Variants in HSD17B11 observed in about 807,000 individuals in gnomAD.
The protein encoded by HSD17B11 is estradiol 17-beta-dehydrogenase 11.
In HSD17B11, 22 loss-of-function variants were observed where a neutral mutation model predicts 27.8. The observed-to-expected ratio is 0.79, with a 90% CI of 0.56 to 1.13. The LOEUF is 1.13. Ranked by LOEUF, HSD17B11 falls within the 50% of genes most tolerant of loss-of-function variation. The pLI, the probability that HSD17B11 is intolerant of heterozygous loss-of-function variation, is 0.00. For synonymous variants in HSD17B11, 117 were observed against 132.8 expected (o/e 0.88, Z 0.82); for missense variants, 314 against 351.1 (o/e 0.89, Z 0.84).
chr4:87,374,897 CTAT>C (rs971010308), intron 2 of HSD17B11, 67 bp from the exon 3 acceptor site: 17 of 1,197,792 alleles, frequency 1.4e-5, no homozygotes, highest in Non-Finnish European at 1.6e-5. Flanking sequence ...TACACAATGG[CTAT>C]TTTTTTTTTT....
intron 5 of HSD17B11, among the ~76,000 whole-genome samples, chr4:87,353,232 G>A (rs1384030224): frequency 6.6e-6 from 1 of 151,838 alleles, no homozygotes; most frequent in East Asian, 1.9e-4. Flanking sequence ...TCTCCCTCAG[G>A]TAGATTCATA....
At position 87,382,321 on chromosome 4, in the gene HSD17B11, A is replaced by G; in HGVS notation, c.252T>C (p.Gly84=). ...CTACCACAAAGGTATGAACCTTGGC[A>G]CCCAGTCCCTTGCATTTGGCAGCTG... ...EETAAKCKGL[G]AKVHTFVVDC... is the part of the protein sequence containing the mutation. Residue 84 remains glycine (G), a synonymous_variant, in exon 2 of 7, where the codon GGT becomes GGC. Transcript: ENST00000358290. 6.2e-7 allele frequency: 1 copy of G among 1,614,064 alleles called. No homozygotes were observed. The highest frequency in any genetic ancestry group is 1.3e-5 in the African/African-American group (1 of 75,060).
chr4:87,370,076 G>C (rs567023123), intron 4 of HSD17B11, among the ~76,000 whole-genome samples: 2 of 152,292 alleles, frequency 1.3e-5, no homozygotes, highest in South Asian at 4.1e-4. Flanking sequence ...ACTAGAGCTA[G>C]AATAAATTAT....
At chr4:87,356,077 C>T (rs950818667) in intron 5 of HSD17B11, among the ~76,000 whole-genome samples, 2 of 152,086 alleles carry the variant, frequency 1.3e-5, no homozygotes, top group Admixed American at 6.5e-5. Flanking sequence ...GATGATTCTT[C>T]GCGTACTGGA....
intron 2 of HSD17B11, among the ~76,000 whole-genome samples, chr4:87,378,829 TAAATATATATATATAAATATATATATAA>T: frequency 3.8e-5 from 1 of 26,300 alleles, no homozygotes; most frequent in African/African-American, 2.5e-4. Flanking sequence ...AATATATATA[TAAATATATATATATAAATATATATATAA>T]ATATATATAA....
At chr4:87,371,263 T>C (rs76881776) in intron 4 of HSD17B11, among the ~76,000 whole-genome samples, 2 of 152,294 alleles carry the variant, frequency 1.3e-5, no homozygotes, top group South Asian at 2.1e-4. Context: ...GGTCACATGA[T>C]ACAACACTAT....
intron 1 of HSD17B11, among the ~76,000 whole-genome samples, chr4:87,383,164 G>C (rs1720218166): frequency 6.6e-6 from 1 of 152,146 alleles, no homozygotes; most frequent in African/African-American, 2.4e-5. Context: ...TGGTCTTGTG[G>C]AAACCACTAG....
At chr4:87,361,394 C>A (rs530832157) in intron 4 of HSD17B11, among the ~76,000 whole-genome samples, 129 of 152,282 alleles carry the variant, frequency 8.5e-4, no homozygotes, top group Non-Finnish European at 1.7e-3. Flanking sequence ...AAAAAATAAT[C>A]ATAAAAATGG....
chr4:87,341,623 G>C (rs1225575950), intron 5 of HSD17B11, among the ~76,000 whole-genome samples: 34 of 152,296 alleles, frequency 2.2e-4, no homozygotes, highest in Non-Finnish European at 2.9e-5. Flanking sequence ...CACTTTGGGA[G>C]GCTGAGGCGG....
intron 2 of HSD17B11, among the ~76,000 whole-genome samples, chr4:87,380,484 A>AG (rs111503563): frequency 0.31 from 42,960 of 138,342 alleles, 7,548 homozygotes; most frequent in African/African-American, 0.37. Flanking sequence ...AAAAAAAAAA[A>AG]AAAAGAAAAA....
In HSD17B11 at chr4:87,337,253, T is replaced by A. The variant is rs749662343; in HGVS notation, c.*23A>T. ...ATGACATCAACCTAAACCTGGTAAA[T>A]CAGTTTTCAGAAAACTAGGTGCTTA... On this transcript the variant is annotated 3_prime_UTR_variant, in exon 7 of 7. Coordinates refer to ENST00000358290, the MANE Select transcript of HSD17B11 (RefSeq NM_016245.5). 1.4e-6 allele frequency: 2 copies of A among 1,424,702 alleles called. No individual in the cohort carries two copies. The highest frequency in any genetic ancestry group is 1.7e-5 in the Admixed American group (1 of 59,200). The allele number at this position is 1,424,702 out of a possible 1,614,324, so 88.3% of individuals were successfully genotyped here.
Position 87,343,275 on chromosome 4 carries a change from A to C in HSD17B11, c.696-2669T>G, listed in dbSNP as rs1050581337. 1.1e-4 allele frequency among the ~76,000 whole-genome samples: 16 copies of C among 152,194 alleles called. No individual in the cohort carries two copies. In the East Asian group the frequency reaches 3.1e-3, roughly 29 times the overall value. On this transcript the variant is annotated intron_variant, in intron 5 of 6. Coordinates refer to ENST00000358290, the MANE Select transcript of HSD17B11 (RefSeq NM_016245.5). ...CAATTTCTTAGCAAAATAGTATCTT[A>C]ATCATTAAAATGTCAGTATGTGGAA...
chr4:87,369,638 T>A (rs902268017), intron 4 of HSD17B11, among the ~76,000 whole-genome samples: 22 of 152,148 alleles, frequency 1.4e-4, no homozygotes, highest in African/African-American at 5.3e-4. Context: ...TCTTGCTATG[T>A]TACCCAAGCT....
Position 87,338,224 on chromosome 4 carries a change from AC to A in HSD17B11, c.813-859del, listed in dbSNP as rs11418537. Among the ~76,000 whole-genome samples, 6 of 151,306 alleles carry A rather than the reference AC, an allele frequency of 4.0e-5. No individual in the cohort carries two copies. In the East Asian group the frequency reaches 9.7e-4, roughly 25 times the overall value. ...AGAGCGAGACTCCGTCCCCCACAGC[AC>A]CCCCCCAAAAAATGTCTTGAACAGT... On this transcript the variant is annotated intron_variant, in intron 6 of 6. Transcript: ENST00000358290.
In HSD17B11 at chr4:87,391,089, C is replaced by A. The variant is rs371799533; in HGVS notation, c.-19G>T. ...ATTTCATCCCTTTTGTGGCTGCGAG[C>A]GTTTGGTGTGTTTTTTTTTTTTTTT... On this transcript the variant is annotated 5_prime_UTR_variant, in exon 1 of 7. Transcript: ENST00000358290. 9 of 1,527,546 alleles carry A rather than the reference C, an allele frequency of 5.9e-6. No individual in the cohort carries two copies. The African/African-American group carries it at 1.2e-4, about 21-fold the overall frequency. The allele number at this position is 1,527,546 out of a possible 1,614,324, so 94.6% of individuals were successfully genotyped here. A position where few individuals can be genotyped will look rare whatever the true frequency, so the allele number is the denominator to read the frequency against.
chr4:87,382,178 C>T, intron 2 of HSD17B11, 77 bp downstream of exon 2: 1 of 1,035,462 alleles, frequency 9.7e-7, no homozygotes, highest in Non-Finnish European at 1.5e-6. Context: ...TCATCTATAT[C>T]ATGTACAGAC....
Position 87,382,254 on chromosome 4 carries a change from C to A in HSD17B11, c.318+1G>T, listed in dbSNP as rs1313573634. ...GATTCTAACTAAACACAACATTTCA[C>A]CTTCTTTGCAGAGCTGTAAATATCT... On this transcript the variant is annotated splice_donor_variant, in intron 2 of 6. Transcript: ENST00000358290. LOFTEE classifies it high-confidence loss of function. 1 of 1,607,468 alleles carries A rather than the reference C, an allele frequency of 6.2e-7. No homozygotes were observed. Among genetic ancestry groups the A allele is most frequent in the Non-Finnish European group, 8.5e-7 (1 of 1,174,116 alleles).
At chr4:87,340,668 T>TTA in intron 5 of HSD17B11, 62 bp from the exon 6 acceptor site, 1 of 1,127,908 alleles carries the variant, frequency 8.9e-7, no homozygotes, top group Non-Finnish European at 1.3e-6. Context: ...TTTAGTTTGG[T>TTA]GCTAACCAAC....
At chr4:87,356,067 G>C (rs1304577765) in intron 5 of HSD17B11, among the ~76,000 whole-genome samples, 1 of 152,152 alleles carries the variant, frequency 6.6e-6, no homozygotes, top group Non-Finnish European at 1.5e-5. Flanking sequence ...TAAAAACAAA[G>C]ATGATTCTTC....
Sources: allele counts gnomAD v4.1 joint callset (sites outside exome capture counted in the v4.1 genomes callset), GRCh38; gene constraint gnomAD v4.1.1; transcripts MANE v1.5; gene names NCBI Gene and HGNC (gene_info 2026-07-23, HGNC 2026-07-21).